Variants in GRIP1 observed in about 807,000 individuals in gnomAD.
The protein encoded by GRIP1 is glutamate receptor interacting protein 1, also known as glutamate receptor-interacting protein 1.
A neutral mutation model predicts 129.9 loss-of-function variants in GRIP1; 45 were observed. The observed-to-expected ratio is 0.35, with a 90% CI of 0.27 to 0.44. The LOEUF (loss-of-function observed/expected upper bound fraction) is 0.44, where lower values mean the gene tolerates loss of function less well. Among genes scored for constraint, GRIP1 ranks in the 20% least tolerant of loss-of-function variants. The pLI is 1.00. For synonymous variants in GRIP1, 530 were observed against 520.8 expected, an observed-to-expected ratio of 1.02 and a Z score of -0.24; for missense variants, 1,196 against 1,396.8, an observed-to-expected ratio of 0.86 and a Z score of 2.29.
At chr12:66,378,996 C>A (rs1297529766) in intron 20 of GRIP1, among the ~76,000 whole-genome samples, 7 of 152,030 alleles carry the variant, frequency 4.6e-5, no homozygotes, top group Non-Finnish European at 1.0e-4. Context: ...GGGGGACCTA[C>A]TTGTCATAAG....
chr12:66,557,276 A>C (rs1337300497), intron 2 of GRIP1, among the ~76,000 whole-genome samples: 2 of 152,212 alleles, frequency 1.3e-5, no homozygotes, highest in Non-Finnish European at 2.9e-5. Context: ...GCAAGAGGAT[A>C]TAACCATTGT....
intron 7 of GRIP1, among the ~76,000 whole-genome samples, chr12:66,484,686 CG>C (rs1207400277): frequency 2.0e-5 from 3 of 151,388 alleles, no homozygotes; most frequent in Admixed American, 2.0e-4. Context: ...GGAGAAGGGG[CG>C]GGGGTGTGAA....
intron 1 of GRIP1, among the ~76,000 whole-genome samples, chr12:66,960,452 T>C (rs1268848649): frequency 2.6e-5 from 4 of 152,142 alleles, no homozygotes; most frequent in Non-Finnish European, 5.9e-5. Context: ...AGCAGCAGTG[T>C]GGTAAGATCA....
chr12:66,740,674 T>C (rs1467950108), intron 1 of GRIP1, among the ~76,000 whole-genome samples: 1 of 152,192 alleles, frequency 6.6e-6, no homozygotes, highest in Non-Finnish European at 1.5e-5. Flanking sequence ...GAGCAGTTAA[T>C]ATTTATGGAG....
At chr12:66,511,762 G>A (rs1422249511) in intron 7 of GRIP1, among the ~76,000 whole-genome samples, 2 of 152,190 alleles carry the variant, frequency 1.3e-5, no homozygotes, top group African/African-American at 2.4e-5. Flanking sequence ...CAGGCAAGGA[G>A]AACTGAGAGA....
intron 2 of GRIP1, among the ~76,000 whole-genome samples, chr12:66,582,470 C>T (rs1358819912): frequency 2.7e-5 from 4 of 149,550 alleles, no homozygotes; most frequent in Non-Finnish European, 5.9e-5. Flanking sequence ...CAAATTGTCT[C>T]TGTTTGCAGA....
intron 1 of GRIP1, among the ~76,000 whole-genome samples, chr12:66,844,969 A>G (rs1050469306): frequency 2.0e-5 from 3 of 152,172 alleles, no homozygotes; most frequent in African/African-American, 7.2e-5. Flanking sequence ...AGTGATGGGA[A>G]TGATGAGTTA....
At chr12:67,057,054 G>C (rs2043449095) in intron 1 of GRIP1, among the ~76,000 whole-genome samples, 1 of 152,096 alleles carries the variant, frequency 6.6e-6, no homozygotes, top group African/African-American at 2.4e-5. Context: ...GACCTCAAGT[G>C]ATATGCCCAC....
chr12:66,412,341 G>C (rs761253376), intron 15 of GRIP1, among the ~76,000 whole-genome samples: 1 of 152,174 alleles, frequency 6.6e-6, no homozygotes, highest in Non-Finnish European at 1.5e-5. Flanking sequence ...CATTCTTAAA[G>C]AAAATAATTT....
rs199670482 is a variant in GRIP1 at position 66,456,327 on chromosome 12, C to T, written c.1058G>A (p.Ser353Asn). 207 of 1,289,122 alleles carry T rather than the reference C, an allele frequency of 1.6e-4. 1 individual carries two copies. The highest frequency in any genetic ancestry group is 2.1e-4 in the Middle Eastern group (1 of 4,686). 79.9% of individuals were successfully genotyped at this position (1,289,122 alleles called of 1,614,324 possible). ...KGPDHVKIQR[S>N]DRQLTWDSWA... ...GGAATCCCAGGTAAGTTGCCTGTCGCTCCTCTGAATTTTCACTGCCCATAT... is the reference window on the plus strand; with the variant it reads ...GGAATCCCAGGTAAGTTGCCTGTCGTTCCTCTGAATTTTCACTGCCCATAT... The change falls in exon 10 of 25, where the codon AGC becomes AAC. Residue 353 changes from serine (S) to asparagine (N), a missense_variant. Coordinates refer to ENST00000359742, the MANE Select transcript of GRIP1 (RefSeq NM_001366722.1).
Position 66,596,906 on chromosome 12 carries a change from G to T in GRIP1, c.77C>A (p.Ser26Tyr), listed in dbSNP as rs1461304568. The change falls in exon 2 of 25, where the codon TCC (serine) becomes TAC (tyrosine). Residue 26 changes from serine to tyrosine, a missense_variant. Transcript: ENST00000359742. ...ATCAGGCGGCTTTGTCTGGCTGGCG[G>T]ATTTAGTGTAGGGACTCTCATCTGC... ...LTKDESPYTK[S>Y]ASQTKPPDGA... 14 of 1,612,916 alleles carry T rather than the reference G, an allele frequency of 8.7e-6. No homozygotes were observed. Among genetic ancestry groups the T allele is most frequent in the South Asian group, 2.2e-5 (2 of 91,060 alleles).
At chr12:66,580,878 G>T (rs1263351862) in intron 2 of GRIP1, among the ~76,000 whole-genome samples, 1 of 151,770 alleles carries the variant, frequency 6.6e-6, no homozygotes, top group African/African-American at 2.4e-5. Flanking sequence ...GGATACCCAG[G>T]AATTGAACTC....
At chr12:66,353,991 C>A (rs989681623) in intron 23 of GRIP1, among the ~76,000 whole-genome samples, 7 of 152,202 alleles carry the variant, frequency 4.6e-5, no homozygotes, top group African/African-American at 1.7e-4. Flanking sequence ...TGGTGCTCTG[C>A]TAAGCACAGT....
intron 1 of GRIP1, among the ~76,000 whole-genome samples, chr12:66,620,324 C>T (rs2065212288): frequency 6.6e-6 from 1 of 152,122 alleles, no homozygotes; most frequent in African/African-American, 2.4e-5. Flanking sequence ...AAATTAGGTT[C>T]AATGTTAGTT....
intron 1 of GRIP1, among the ~76,000 whole-genome samples, chr12:66,726,894 G>A (rs2036272938): frequency 6.6e-6 from 1 of 152,176 alleles, no homozygotes; most frequent in African/African-American, 2.4e-5. Context: ...AGAGACCAAT[G>A]TGCCCTTCAG....
Position 66,444,732 on chromosome 12 carries a change from A to G in GRIP1, c.1542-3T>C, listed in dbSNP as rs2058572871. On this transcript the variant is annotated splice_polypyrimidine_tract_variant and splice_region_variant and intron_variant, in intron 12 of 24. Transcript: ENST00000359742. Reference sequence around the variant, plus strand: ...CTCCAATCTGTAGCACCCCACATCTAATTTAGAACCACATGTGAGAGGTTG... The same window carrying G: ...CTCCAATCTGTAGCACCCCACATCTGATTTAGAACCACATGTGAGAGGTTG... 1.2e-6 allele frequency: 2 copies of G among 1,613,966 alleles called. No individual in the cohort carries two copies. Among genetic ancestry groups the G allele is most frequent in the African/African-American group, 1.3e-5 (1 of 75,024 alleles).
intron 1 of GRIP1, among the ~76,000 whole-genome samples, chr12:66,766,900 A>G (rs2037657690): frequency 6.6e-6 from 1 of 152,234 alleles, no homozygotes; most frequent in South Asian, 2.1e-4. Context: ...TCATTAAGCA[A>G]ACATTCCCTA....
At chr12:66,926,436 C>T (rs2041297172) in intron 1 of GRIP1, among the ~76,000 whole-genome samples, 1 of 152,184 alleles carries the variant, frequency 6.6e-6, no homozygotes, top group East Asian at 1.9e-4. Flanking sequence ...CTTAATTCCT[C>T]GCCTGCTGGA....
chr12:66,420,034 T>A (rs1592822029), intron 15 of GRIP1, among the ~76,000 whole-genome samples: 1 of 152,054 alleles, frequency 6.6e-6, no homozygotes, highest in African/African-American at 2.4e-5. Context: ...GAGACAGAGG[T>A]TTCAGTGAGC....
Sources: allele counts gnomAD v4.1 joint callset (sites outside exome capture counted in the v4.1 genomes callset), GRCh38; gene constraint gnomAD v4.1.1; transcripts MANE v1.5; gene names NCBI Gene and HGNC (gene_info 2026-07-23, HGNC 2026-07-21).